The following FAM47E variants were observed in gnomAD, a reference collection of about 807,000 sequenced individuals.
FAM47E encodes the protein family with sequence similarity 47 member E.
In FAM47E, 32 loss-of-function variants were observed where a neutral mutation model predicts 41.6. The ratio of observed to expected loss-of-function variants is 0.77; its 90% CI spans 0.58 to 1.03. The LOEUF is 1.03. Among genes scored for constraint, FAM47E ranks in the 50% least tolerant of loss-of-function variants. The probability of loss-of-function intolerance (pLI) is 0.00; values close to 1 mark genes in which losing one functional copy is unlikely to be tolerated. For missense variants in FAM47E, 424 were observed against 485.4 expected (o/e 0.87, Z 1.19); for synonymous variants, 184 against 188.7 (o/e 0.98, Z 0.20).
At chr4:76,231,801 G>A (rs953993438) in intron 2 of FAM47E, among the ~76,000 whole-genome samples, 3 of 152,162 alleles carry the variant, frequency 2.0e-5, no homozygotes, top group African/African-American at 4.8e-5. Context: ...TCCTGGACCT[G>A]TTAAAAGTGG....
chr4:76,248,921 G>A (rs1046464671), upstream of FAM47E, among the ~76,000 whole-genome samples: 2 of 152,018 alleles, frequency 1.3e-5, no homozygotes, highest in African/African-American at 2.4e-5. Flanking sequence ...TTTTTGCCAG[G>A]TAAGCTGGCC....
chr4:76,219,904 T>C (rs1387694965), intron 2 of FAM47E, among the ~76,000 whole-genome samples: 1 of 152,324 alleles, frequency 6.6e-6, no homozygotes, highest in East Asian at 1.9e-4. Flanking sequence ...CAGAGAAGAC[T>C]GCTATTCAGT....
intron 3 of FAM47E, among the ~76,000 whole-genome samples, chr4:76,265,489 G>A (rs17236179): frequency 0.2 from 31,189 of 152,160 alleles, 3,328 homozygotes; most frequent in Middle Eastern, 0.3. Flanking sequence ...GTGAGGGAGC[G>A]AGAGGAGTGT....
At chr4:76,229,698 T>C (rs985083953) in intron 2 of FAM47E, among the ~76,000 whole-genome samples, 5 of 152,210 alleles carry the variant, frequency 3.3e-5, no homozygotes, top group African/African-American at 7.2e-5. Flanking sequence ...CATCTTCAGG[T>C]TTCCCAGCTG....
At chr4:76,239,032 C>G (rs187502811) in intron 2 of FAM47E, among the ~76,000 whole-genome samples, 82 of 152,268 alleles carry the variant, frequency 5.4e-4, no homozygotes, top group South Asian at 1.0e-3. Flanking sequence ...ACATAATGTC[C>G]TCAAGATTCA....
chr4:76,246,630 A>G (rs1364321176), intron 2 of FAM47E, among the ~76,000 whole-genome samples: 1 of 152,060 alleles, frequency 6.6e-6, no homozygotes, highest in Admixed American at 6.5e-5. Flanking sequence ...ATATCCACCA[A>G]CTAGATCAAG....
intron 2 of FAM47E, among the ~76,000 whole-genome samples, chr4:76,231,822 T>C (rs1007932046): frequency 1.3e-5 from 2 of 152,216 alleles, no homozygotes; most frequent in South Asian, 2.1e-4. Context: ...CATTCTTTAC[T>C]GACCATAGGA....
intron 2 of FAM47E, among the ~76,000 whole-genome samples, chr4:76,241,018 T>C (rs1003545677): frequency 1.3e-5 from 2 of 152,188 alleles, no homozygotes; most frequent in African/African-American, 4.8e-5. Context: ...ACTAGACTTT[T>C]GAATCTAATA....
At chr4:76,270,108 C>T (rs552738556) in intron 4 of FAM47E, among the ~76,000 whole-genome samples, 1 of 152,308 alleles carries the variant, frequency 6.6e-6, no homozygotes, top group Admixed American at 6.5e-5. Flanking sequence ...ATAGTAGGAA[C>T]TTCAGGCACA....
At chr4:76,269,571 G>A (rs774823747) in intron 4 of FAM47E, 1 of 151,962 alleles carries the variant, frequency 6.6e-6, no homozygotes, top group Non-Finnish European at 1.5e-5. Flanking sequence ...AGCAGAGATT[G>A]CGCCACTGTA....
At chr4:76,268,610 T>A (rs1734744246) in intron 3 of FAM47E, 50 bp from the exon 4 acceptor site, 1 of 1,523,682 alleles carries the variant, frequency 6.6e-7, no homozygotes, top group Middle Eastern at 1.7e-4. Flanking sequence ...TGAAATCCAT[T>A]TGGATTCATT....
intron 2 of FAM47E, among the ~76,000 whole-genome samples, chr4:76,260,863 A>C (rs373144371): frequency 1.3e-4 from 20 of 152,150 alleles, no homozygotes; most frequent in East Asian, 7.7e-4. Context: ...AAACAATTCA[A>C]CAAGAAAAAA....
chr4:76,251,694 C>T (rs1733967924), upstream of FAM47E: 2 of 1,409,194 alleles, frequency 1.4e-6, no homozygotes, highest in African/African-American at 1.5e-5. Context: ...GGGGCGGCAG[C>T]AGGGCACACA....
At chr4:76,260,316 C>G (rs1301582824) in intron 2 of FAM47E, among the ~76,000 whole-genome samples, 1 of 152,170 alleles carries the variant, frequency 6.6e-6, no homozygotes, top group Non-Finnish European at 1.5e-5. Context: ...TCAAACTATA[C>G]TGCAAGGCTA....
chr4:76,243,361 A>C (rs560858393), intron 2 of FAM47E, among the ~76,000 whole-genome samples: 5 of 152,164 alleles, frequency 3.3e-5, no homozygotes, highest in African/African-American at 1.2e-4. Flanking sequence ...AATTTTGACA[A>C]CACCTCCTGC....
Position 76,256,509 on chromosome 4 carries a change from G to A in FAM47E, c.406G>A (p.Ala136Thr). ...AGCGCTCTACCTGAATCTGGAAGAA[G>A]CTATGCCCATAGAGGTGATGTGTCC... ...PLALYLNLEE[A>T]MPIELLSKVL... The change falls in exon 2 of 8, where the codon GCT becomes ACT. Residue 136 changes from alanine to threonine, a missense_variant. Transcript: ENST00000424749. 1 of 1,550,088 alleles carries A rather than the reference G, an allele frequency of 6.5e-7. No homozygotes were observed. The highest frequency in any genetic ancestry group is 1.4e-5 in the African/African-American group (1 of 73,090).
chr4:76,248,751 T>C (rs1208773372), upstream of FAM47E, among the ~76,000 whole-genome samples: 5 of 152,132 alleles, frequency 3.3e-5, no homozygotes, highest in Non-Finnish European at 7.3e-5. Context: ...TTTGACTCCA[T>C]ACATTGCATA....
intron 2 of FAM47E, among the ~76,000 whole-genome samples, chr4:76,237,702 C>T (rs981147292): frequency 2.6e-5 from 4 of 152,076 alleles, no homozygotes; most frequent in Non-Finnish European, 5.9e-5. Flanking sequence ...TCTGGGGAGG[C>T]CTCAGGAAAC....
chr4:76,247,097 C>T (rs559586395), upstream of FAM47E, among the ~76,000 whole-genome samples: 2 of 152,182 alleles, frequency 1.3e-5, no homozygotes, highest in Admixed American at 6.5e-5. Flanking sequence ...CCATTATGCA[C>T]TAACTCCTCA....
Sources: allele counts gnomAD v4.1 joint callset (sites outside exome capture counted in the v4.1 genomes callset), GRCh38; gene constraint gnomAD v4.1.1; transcripts MANE v1.5; gene names NCBI Gene and HGNC (gene_info 2026-07-23, HGNC 2026-07-21).